Variants in GRHL1 observed in about 807,000 individuals in gnomAD.
GRHL1 encodes grainyhead like transcription factor 1, also known as grainyhead-like protein 1 homolog.
In GRHL1, 38 loss-of-function variants were observed where a neutral mutation model predicts 75.7. The ratio of observed to expected loss-of-function variants is 0.50; its 90% CI spans 0.39 to 0.66. The LOEUF is 0.66. Among genes scored for constraint, GRHL1 ranks in the 30% least tolerant of loss-of-function variants. The probability of loss-of-function intolerance (pLI) is 0.00; values close to 1 mark genes in which losing one functional copy is unlikely to be tolerated. For synonymous variants in GRHL1, 266 were observed against 279.4 expected (o/e 0.95, Z 0.48); for missense variants, 589 against 767.5 (o/e 0.77, Z 2.75).
chr2:9,960,853 G>A (rs1004338702), intron 3 of GRHL1, 193 bp from the exon 4 acceptor site: 5 of 541,244 alleles, frequency 9.2e-6, no homozygotes, highest in Middle Eastern at 4.7e-4. Flanking sequence ...TTACTTAATA[G>A]GTTTGGATTT....
intron 8 of GRHL1, among the ~76,000 whole-genome samples, chr2:9,982,654 A>G (rs183402516): frequency 1.8e-3 from 278 of 152,360 alleles, no homozygotes; most frequent in African/African-American, 6.3e-3. Context: ...GGTGGGCACC[A>G]GGATCTTCAT....
intron 8 of GRHL1, among the ~76,000 whole-genome samples, chr2:9,973,289 T>C (rs888258165): frequency 6.6e-6 from 1 of 152,184 alleles, no homozygotes; most frequent in Admixed American, 6.5e-5. Context: ...TCTGAGTCTG[T>C]GACTCAGTCC....
intron 12 of GRHL1, among the ~76,000 whole-genome samples, chr2:9,994,124 G>C (rs80012388): frequency 0.022 from 3,378 of 152,100 alleles, 132 homozygotes; most frequent in African/African-American, 0.077. Flanking sequence ...TTTTCAACAA[G>C]GCAAAGATTC....
At chr2:9,966,878 A>C (rs143061855) in intron 8 of GRHL1, among the ~76,000 whole-genome samples, 1 of 152,216 alleles carries the variant, frequency 6.6e-6, no homozygotes, top group Non-Finnish European at 1.5e-5. Context: ...CCTCAGTCAC[A>C]TACAATTGTC....
chr2:9,981,966 T>TGAGTAA (rs1373747229), intron 8 of GRHL1, among the ~76,000 whole-genome samples: 1 of 152,212 alleles, frequency 6.6e-6, no homozygotes, highest in East Asian at 1.9e-4. Flanking sequence ...AAACATAACA[T>TGAGTAA]GAGTAATAAA....
rs928953329 is a variant in GRHL1 at position 9,983,089 on chromosome 2, C to T, written c.1111-3035C>T. 4.6e-5 allele frequency among the ~76,000 whole-genome samples: 7 copies of T among 152,174 alleles called. 1 individual carries two copies. Among genetic ancestry groups the T allele is most frequent in the Non-Finnish European group, 2.9e-5 (2 of 68,030 alleles). The stretch of plus-strand genomic sequence containing the variant: ...CTTTGGTTGAGGGTTAAACCCGGCA[C>T]GTATGTCCCCTCCACACCAGCATAT... On this transcript the variant is annotated intron_variant, in intron 8 of 15. Coordinates refer to ENST00000324907, the MANE Select transcript of GRHL1 (RefSeq NM_198182.3).
intron 10 of GRHL1, among the ~76,000 whole-genome samples, chr2:9,991,337 TTCTGGCAGCTCTTTTGAATGGTCTG>T (rs1257730289): frequency 6.6e-6 from 1 of 152,184 alleles, no homozygotes; most frequent in Non-Finnish European, 1.5e-5. Flanking sequence ...GTACATGGGC[TTCTGGCAGCTCTTTTGAATGGTCTG>T]TCTGGCTCAG....
intron 11 of GRHL1, among the ~76,000 whole-genome samples, 180 bp from the exon 12 acceptor site, chr2:9,993,027 C>T (rs577384033): frequency 1.3e-5 from 2 of 152,268 alleles, no homozygotes; most frequent in East Asian, 3.9e-4. Flanking sequence ...CCAGATTTGG[C>T]CCAACCACTG....
rs555881136 is a variant in GRHL1 at position 10,001,672 on chromosome 2, T to G, written c.*965T>G. On this transcript the variant is annotated 3_prime_UTR_variant, in exon 16 of 16. Coordinates refer to ENST00000324907, the MANE Select transcript of GRHL1 (RefSeq NM_198182.3). ...CTGTTGAGAATGTTGTTATTTGGAT[T>G]TCTGCACTGTTTAACAAATGAAGTA... 1.8e-4 allele frequency: 27 copies of G among 152,260 alleles called. No individual in the cohort carries two copies. The highest frequency in any genetic ancestry group is 2.9e-4 in the Non-Finnish European group (20 of 68,044). The allele number at this position is 152,260 out of a possible 1,614,324, so 9.4% of individuals were successfully genotyped here.
chr2:9,986,174 A>G lies in GRHL1; in HGVS notation c.1161A>G (p.Gly387=), dbSNP rs1276957729. 1 of 1,613,542 alleles carries G rather than the reference A, an allele frequency of 6.2e-7. No individual in the cohort carries two copies. ...CLSTDFSSQK[G]VKGLPLNIQV... is the part of the protein sequence containing the mutation. Reference sequence around the variant, plus strand: ...GCACAGATTTCTCTTCCCAGAAGGGAGTGAAGGGGTTGCCTCTTAACATTC... The same window carrying G: ...GCACAGATTTCTCTTCCCAGAAGGGGGTGAAGGGGTTGCCTCTTAACATTC... Residue 387 remains glycine, a synonymous_variant, in exon 9 of 16, where the codon GGA becomes GGG. Transcript: ENST00000324907.
chr2:9,961,445 AC>A lies in GRHL1; in HGVS notation c.669+10del, dbSNP rs778718467. The A allele has an allele frequency of 6.3e-7, 1 of 1,592,548 alleles. No homozygotes were observed. Among genetic ancestry groups the A allele is most frequent in the Admixed American group, 1.7e-5 (1 of 58,192 alleles). Reference sequence around the variant, plus strand: ...AGGAAGGCGTTCAGGAGGTAAGGAAACAAAAACATCTTCCTAAGACGCCTGC... The same window carrying A: ...AGGAAGGCGTTCAGGAGGTAAGGAAAAAAAACATCTTCCTAAGACGCCTGC... On this transcript the variant is annotated intron_variant, in intron 4 of 15. Transcript: ENST00000324907.
intron 8 of GRHL1, 115 bp from the exon 9 acceptor site, chr2:9,986,009 T>C: frequency 1.4e-6 from 1 of 699,292 alleles, no homozygotes; most frequent in Non-Finnish European, 2.3e-6. Flanking sequence ...AATGAGAAGC[T>C]GAGCTTCTCA....
chr2:9,994,313 T>C (rs1367429247), intron 12 of GRHL1, among the ~76,000 whole-genome samples: 1 of 23,096 alleles, frequency 4.3e-5, no homozygotes, highest in Non-Finnish European at 7.1e-5. Context: ...CCCATCTAAT[T>C]ATTATTATTA....
intron 8 of GRHL1, among the ~76,000 whole-genome samples, chr2:9,985,669 T>G (rs1668387369): frequency 6.6e-6 from 1 of 152,228 alleles, no homozygotes. Context: ...ATGTCATAAG[T>G]TCTAAAATAT....
At chr2:9,989,520 C>T (rs954667369) in intron 9 of GRHL1, among the ~76,000 whole-genome samples, 5 of 152,082 alleles carry the variant, frequency 3.3e-5, no homozygotes, top group African/African-American at 1.2e-4. Context: ...ACAGAGTACA[C>T]GAGTGTCTTT....
intron 12 of GRHL1, among the ~76,000 whole-genome samples, 187 bp downstream of exon 12, chr2:9,993,431 T>A (rs1668729260): frequency 6.6e-6 from 1 of 152,236 alleles, no homozygotes; most frequent in African/African-American, 2.4e-5. Flanking sequence ...CATCCTCCTG[T>A]GTCACAGTCA....
intron 9 of GRHL1, 123 bp downstream of exon 9, chr2:9,986,405 A>C: frequency 2.1e-6 from 1 of 472,112 alleles, no homozygotes. Context: ...AACTTTTAAA[A>C]TTATTTTTAT....
At chr2:9,978,087 C>T (rs1668026130) in intron 8 of GRHL1, among the ~76,000 whole-genome samples, 1 of 152,170 alleles carries the variant, frequency 6.6e-6, no homozygotes, top group Non-Finnish European at 1.5e-5. Flanking sequence ...GGAAATCGCC[C>T]CCATGATTCA....
intron 1 of GRHL1, among the ~76,000 whole-genome samples, chr2:9,952,107 C>T (rs1666808163): frequency 6.6e-6 from 1 of 151,588 alleles, no homozygotes; most frequent in Admixed American, 6.6e-5. Context: ...ACCCTCCTCC[C>T]CTCCTCCGCG....
Sources: allele counts gnomAD v4.1 joint callset (sites outside exome capture counted in the v4.1 genomes callset), GRCh38; gene constraint gnomAD v4.1.1; transcripts MANE v1.5; gene names NCBI Gene and HGNC (gene_info 2026-07-23, HGNC 2026-07-21).